Variants in ACTR3C observed in about 807,000 individuals in gnomAD.
The protein encoded by ACTR3C is actin-related protein 3C.
Under a neutral mutation model 26.3 loss-of-function variants are expected in ACTR3C, and 18 were observed. The observed-to-expected ratio is 0.68, with a 90% CI of 0.47 to 1.01. The LOEUF is 1.01. Among genes scored for constraint, ACTR3C ranks in the 50% least tolerant of loss-of-function variants. The pLI is 0.00. For synonymous variants in ACTR3C, 55 were observed against 94.5 expected (o/e 0.58, Z 2.42); for missense variants, 184 against 250.7 (o/e 0.73, Z 1.80).
chr7:150,024,183 C>A, the ACTR3C span, among the ~76,000 whole-genome samples: 1 of 151,552 alleles, frequency 6.6e-6, no homozygotes, highest in East Asian at 1.9e-4. Flanking sequence ...CACAGAGCGA[C>A]TTTACATTTA....
At chr7:149,975,916 A>C in the ACTR3C span, among the ~76,000 whole-genome samples, 5 of 152,232 alleles carry the variant, frequency 3.3e-5, no homozygotes, top group African/African-American at 9.6e-5. Context: ...ATTACAATTC[A>C]AAGTGAGATC....
At chr7:150,189,437 G>A in the ACTR3C span, among the ~76,000 whole-genome samples, 1 of 151,616 alleles carries the variant, frequency 6.6e-6, no homozygotes, top group Non-Finnish European at 1.5e-5. Context: ...TCACCCTCAT[G>A]TTGTACAATT....
chr7:149,925,251 T>C, the ACTR3C span, among the ~76,000 whole-genome samples: 1 of 152,168 alleles, frequency 6.6e-6, no homozygotes, highest in African/African-American at 2.4e-5. Context: ...TGTTCTTTGA[T>C]GGGAAGACTC....
At chr7:150,077,498 G>T in the ACTR3C span, among the ~76,000 whole-genome samples, 1 of 152,102 alleles carries the variant, frequency 6.6e-6, no homozygotes, top group African/African-American at 2.4e-5. Context: ...TCTTCACAAG[G>T]TGTCCTGGAC....
chr7:150,200,565 G>T, the ACTR3C span, among the ~76,000 whole-genome samples: 1 of 152,114 alleles, frequency 6.6e-6, no homozygotes, highest in South Asian at 2.1e-4. Flanking sequence ...AAACCACACT[G>T]AGATACCTCC....
the ACTR3C span, among the ~76,000 whole-genome samples, chr7:150,121,232 C>T: frequency 1.8e-4 from 28 of 152,058 alleles, no homozygotes; most frequent in Admixed American, 3.9e-4. Flanking sequence ...CTTGCCAGGG[C>T]GATCAGGCAA....
At chr7:149,974,500 C>T in the ACTR3C span, among the ~76,000 whole-genome samples, 1 of 152,324 alleles carries the variant, frequency 6.6e-6, no homozygotes, top group Admixed American at 6.5e-5. Flanking sequence ...ACTGGATCCT[C>T]AGTACCCGAA....
chr7:150,273,129 C>T (rs1442596214), intron 6 of ACTR3C, among the ~76,000 whole-genome samples: 1 of 148,992 alleles, frequency 6.7e-6, no homozygotes, highest in Non-Finnish European at 1.5e-5. Context: ...AGCAGATTAT[C>T]CCACACAACA....
intron 1 of ACTR3C, among the ~76,000 whole-genome samples, chr7:150,314,943 C>A (rs1473491211): frequency 7.5e-6 from 1 of 133,600 alleles, no homozygotes; most frequent in African/African-American, 2.7e-5. Flanking sequence ...CAAAGCAAGA[C>A]CCAGTTTCAA....
chr7:150,154,129 C>T, the ACTR3C span, among the ~76,000 whole-genome samples: 31,777 of 146,622 alleles, frequency 0.22, 3,500 homozygotes, highest in African/African-American at 0.25. Context: ...TGCTAAATGA[C>T]GAGTTAATGG....
At chr7:150,068,424 T>C in the ACTR3C span, among the ~76,000 whole-genome samples, 50 of 152,282 alleles carry the variant, frequency 3.3e-4, no homozygotes, top group African/African-American at 1.2e-3. Context: ...GTTATCTGCC[T>C]AGCTCACTCC....
the ACTR3C span, among the ~76,000 whole-genome samples, chr7:150,023,326 C>T: frequency 2.4e-4 from 5 of 20,448 alleles, no homozygotes; most frequent in African/African-American, 5.1e-4. Context: ...TACATACATA[C>T]ATACATACAT....
chr7:150,037,148 G>A, the ACTR3C span, among the ~76,000 whole-genome samples: 2 of 69,138 alleles, frequency 2.9e-5, 1 homozygote, highest in Non-Finnish European at 6.6e-5. Flanking sequence ...GCCTCGTGGG[G>A]GGTGCCTCCC....
At chr7:150,313,916 C>T (rs1796561966) in intron 1 of ACTR3C, among the ~76,000 whole-genome samples, 1 of 152,170 alleles carries the variant, frequency 6.6e-6, no homozygotes, top group African/African-American at 2.4e-5. Context: ...TTGCAAGGGA[C>T]TTGGGGACTG....
rs1243413205 is a variant in ACTR3C, at chr7:150,283,198, TTTATGATGGGA to T, written c.564+1544_564+1554del. ...TGTAACTGCTGGCAGTTTCCTCTGC[TTTATGATGGGA>T]TTAAGATTGAACAGTGTTCCCTGCT... On this transcript the variant is annotated intron_variant, in intron 6 of 7. Coordinates refer to ENST00000683684, the MANE Select transcript of ACTR3C (RefSeq NM_001164458.2). Among the ~76,000 whole-genome samples, 95 of 148,734 alleles carry T rather than the reference TTTATGATGGGA, an allele frequency of 6.4e-4. 2 individuals are homozygous for T. The highest frequency in any genetic ancestry group is 2.3e-3 in the African/African-American group (87 of 38,372).
the ACTR3C span, among the ~76,000 whole-genome samples, chr7:150,156,140 G>T: frequency 5.9e-5 from 9 of 151,724 alleles, no homozygotes; most frequent in African/African-American, 2.2e-4. Context: ...CTGCTGTCCA[G>T]CCTCCCTGAC....
intron 1 of ACTR3C, among the ~76,000 whole-genome samples, chr7:150,297,537 C>T (rs1366803134): frequency 6.6e-6 from 1 of 152,152 alleles, no homozygotes; most frequent in Non-Finnish European, 1.5e-5. Context: ...AGCAATGAAG[C>T]CATTTAAGAC....
At chr7:150,057,505 C>T in the ACTR3C span, among the ~76,000 whole-genome samples, 1 of 152,216 alleles carries the variant, frequency 6.6e-6, no homozygotes, top group Admixed American at 6.5e-5. Flanking sequence ...AGGTTGGTCT[C>T]GAACCCCTGA....
the ACTR3C span, among the ~76,000 whole-genome samples, chr7:150,064,978 T>G: frequency 4.6e-5 from 7 of 152,132 alleles, no homozygotes; most frequent in Non-Finnish European, 1.0e-4. Context: ...AGTCTGTGCC[T>G]TGGCTGTAAC....
Sources: allele counts gnomAD v4.1 joint callset (sites outside exome capture counted in the v4.1 genomes callset), GRCh38; gene constraint gnomAD v4.1.1; transcripts MANE v1.5; gene names NCBI Gene and HGNC (gene_info 2026-07-23, HGNC 2026-07-21).